Variants in MALRD1 observed in about 807,000 individuals in gnomAD.
The protein encoded by MALRD1 is MAM and LDL receptor class A domain containing 1.
A neutral mutation model predicts 242.1 loss-of-function variants in MALRD1; 247 were observed. The ratio of observed to expected loss-of-function variants is 1.02; its 90% CI spans 0.92 to 1.13. The LOEUF is 1.13. MALRD1 is among the 50% of genes most tolerant of loss of function. MALRD1 has a pLI of 0.00. For synonymous variants in MALRD1, 995 were observed against 866.6 expected (o/e 1.15, Z -2.60); for missense variants, 2,989 against 2,533.1 (o/e 1.18, Z -3.86).
chr10:19,588,511 G>A (rs989158571), intron 33 of MALRD1, among the ~76,000 whole-genome samples: 3 of 152,176 alleles, frequency 2.0e-5, no homozygotes, highest in Non-Finnish European at 4.4e-5. Flanking sequence ...AGTTGCTGTT[G>A]TAGTGATGCA....
At chr10:19,403,814 G>A (rs952621765) in intron 28 of MALRD1, among the ~76,000 whole-genome samples, 1 of 152,038 alleles carries the variant, frequency 6.6e-6, no homozygotes, top group African/African-American at 2.4e-5. Flanking sequence ...AGTCTTTTTA[G>A]CGTTTGTTTC....
intron 29 of MALRD1, among the ~76,000 whole-genome samples, chr10:19,485,768 C>G (rs16918839): frequency 0.035 from 5,392 of 152,030 alleles, 342 homozygotes; most frequent in African/African-American, 0.12. Flanking sequence ...CATTTTTATA[C>G]CCAATAATGG....
At position 19,209,680 on chromosome 10, in the gene MALRD1, G is replaced by C. The variant is rs768388274; in HGVS notation, c.2991G>C (p.Gln997His). 3.6e-5 allele frequency: 56 copies of C among 1,541,844 alleles called. No individual in the cohort carries two copies. In the South Asian group the frequency reaches 6.2e-4, roughly 17 times the overall value. Residue 997 changes from glutamine to histidine, a missense_variant and splice_region_variant, in exon 18 of 40, where the codon CAG (glutamine) becomes CAC (histidine). Physicochemically the swap from Gln to His is conservative, Grantham distance 24. Coordinates refer to ENST00000454679, the MANE Select transcript of MALRD1 (RefSeq NM_001142308.3). ...HLNISSRQPF[Q>H]ILVEASVGDG... ...ACATTTCCAGCAGGCAGCCCTTTCA[G>C]GTATGGATAATAGATTTTATAATGT...
intron 31 of MALRD1, among the ~76,000 whole-genome samples, chr10:19,512,943 G>T (rs1425912596): frequency 6.6e-6 from 1 of 151,836 alleles, no homozygotes; most frequent in Non-Finnish European, 1.5e-5. Flanking sequence ...GTCCTCCATG[G>T]GTGTACAATT....
intron 32 of MALRD1, among the ~76,000 whole-genome samples, chr10:19,566,461 T>G (rs1025125595): frequency 1.3e-5 from 2 of 151,868 alleles, no homozygotes; most frequent in African/African-American, 4.8e-5. Context: ...ATAAGTTAAC[T>G]GTAGCTAAAT....
intron 4 of MALRD1, among the ~76,000 whole-genome samples, chr10:19,103,551 C>CG (rs1836348139): frequency 1.8e-5 from 2 of 109,740 alleles, no homozygotes; most frequent in Non-Finnish European, 3.7e-5. Flanking sequence ...GACTCCGTCT[C>CG]AAAAAAAAAA....
At position 19,066,810 on chromosome 10, in the gene MALRD1, G is replaced by A. The variant is rs370584650; in HGVS notation, c.291G>A (p.Gly97=). The change falls in exon 2 of 40, where the codon GGG becomes GGA. Residue 97 remains glycine, a synonymous_variant. Coordinates refer to ENST00000454679, the MANE Select transcript of MALRD1 (RefSeq NM_001142308.3). ...SLQPSWTKRS[G]MIGLSPPFYD... ...AACCTAGTTGGACAAAGAGAAGTGG[G>A]ATGATTGGTCTATCACCTCCATTTT... is the stretch of plus-strand genomic sequence containing the variant. 1.1e-5 allele frequency: 14 copies of A among 1,233,700 alleles called. No homozygotes were observed. The highest frequency in any genetic ancestry group is 2.1e-4 in the Middle Eastern group (1 of 4,836). The allele number at this position is 1,233,700 out of a possible 1,614,324, so 76.4% of individuals were successfully genotyped here. A position where few individuals can be genotyped will look rare whatever the true frequency, so the allele number is the denominator to read the frequency against.
chr10:19,318,363 C>G (rs572277011), intron 21 of MALRD1, among the ~76,000 whole-genome samples: 34 of 148,318 alleles, frequency 2.3e-4, no homozygotes, highest in African/African-American at 7.6e-4. Context: ...GACATATCTC[C>G]TTTTTTTTTT....
At chr10:19,332,095 A>C (rs2130924272) in intron 24 of MALRD1, among the ~76,000 whole-genome samples, 2 of 151,504 alleles carry the variant, frequency 1.3e-5, no homozygotes, top group East Asian at 3.9e-4. Flanking sequence ...TGATCTCTGG[A>C]CCTCATGATC....
At chr10:19,463,201 A>G (rs1458597380) in intron 29 of MALRD1, among the ~76,000 whole-genome samples, 4 of 151,928 alleles carry the variant, frequency 2.6e-5, no homozygotes, top group Admixed American at 6.6e-5. Context: ...TTTTCGGGGA[A>G]TAGGTGGTGT....
Position 19,352,163 on chromosome 10 carries a change from T to G in MALRD1, c.4307T>G (p.Phe1436Cys), listed in dbSNP as rs1239831741. 1.2e-5 allele frequency: 19 copies of G among 1,550,454 alleles called. No homozygotes were observed. Among genetic ancestry groups the G allele is most frequent in the Non-Finnish European group, 1.6e-5 (18 of 1,146,952 alleles). ...CTGTCACTGTTTGGTGATGAAGACT[T>G]CCAACTCAAATTTGAAGGTAGAGTT... ...EELSLFGDED[F>C]QLKFEGRVGK... The change falls in exon 26 of 40, where the codon TTC (phenylalanine) becomes TGC (cysteine). Residue 1436 changes from phenylalanine (F) to cysteine (C), a missense_variant. Physicochemically the swap from Phe to Cys is radical, Grantham distance 205 (BLOSUM62 -2). Transcript: ENST00000454679.
intron 14 of MALRD1, among the ~76,000 whole-genome samples, chr10:19,203,456 C>T (rs76492483): frequency 7.8e-4 from 118 of 152,202 alleles, no homozygotes; most frequent in East Asian, 3.5e-3. Context: ...ATTCTATAAG[C>T]AATCAGGCTG....
intron 18 of MALRD1, among the ~76,000 whole-genome samples, chr10:19,223,440 A>G (rs1445165463): frequency 6.6e-6 from 1 of 152,100 alleles, no homozygotes; most frequent in Non-Finnish European, 1.5e-5. Context: ...TTTTAACTCA[A>G]ACATACATTC....
At chr10:19,487,675 A>C (rs1455224738) in intron 29 of MALRD1, among the ~76,000 whole-genome samples, 1 of 152,150 alleles carries the variant, frequency 6.6e-6, no homozygotes. Context: ...AAAAATGTCC[A>C]CATACTGCCC....
intron 5 of MALRD1, among the ~76,000 whole-genome samples, chr10:19,116,041 G>T (rs548185180): frequency 6.6e-6 from 1 of 151,752 alleles, no homozygotes; most frequent in Non-Finnish European, 1.5e-5. Context: ...AAACAATACC[G>T]TTCTAACCTC....
intron 26 of MALRD1, among the ~76,000 whole-genome samples, chr10:19,355,414 CATT>C (rs1844575667): frequency 6.6e-6 from 1 of 151,306 alleles, no homozygotes; most frequent in Non-Finnish European, 1.5e-5. Context: ...TTATATTAAA[CATT>C]AATATAATTT....
chr10:19,648,115 C>T (rs1840726079), intron 36 of MALRD1, among the ~76,000 whole-genome samples: 1 of 152,264 alleles, frequency 6.6e-6, no homozygotes, highest in Middle Eastern at 3.4e-3. Context: ...GTTCCACATG[C>T]ACAGTGCAAA....
intron 36 of MALRD1, among the ~76,000 whole-genome samples, chr10:19,669,802 A>G (rs1841831363): frequency 6.6e-6 from 1 of 152,192 alleles, no homozygotes; most frequent in Admixed American, 6.5e-5. Context: ...TAATAATATC[A>G]GGTGGTAGAG....
intron 28 of MALRD1, among the ~76,000 whole-genome samples, chr10:19,396,357 T>C (rs6481897): frequency 0.75 from 113,800 of 151,704 alleles, 42,979 homozygotes; most frequent in East Asian, 0.83. Flanking sequence ...AGGCTGGTGT[T>C]GAACTCCTGG....
Sources: gnomAD v4.1 joint callset for allele counts (sites outside exome capture counted in the v4.1 genomes callset) on GRCh38, gnomAD v4.1.1 for gene constraint, MANE v1.5 for transcripts, NCBI Gene and HGNC (gene_info 2026-07-23, HGNC 2026-07-21) for gene names.